CAPRIN1: variants seen among roughly 807,000 people sequenced by gnomAD.
CAPRIN1 encodes the protein caprin-1.
A neutral mutation model predicts 100.9 loss-of-function variants in CAPRIN1; 29 were observed. The observed-to-expected ratio is 0.29, with a 90% CI of 0.21 to 0.39. The LOEUF (loss-of-function observed/expected upper bound fraction) is 0.39, where lower values mean the gene tolerates loss of function less well. CAPRIN1 is among the 10% of genes least tolerant of loss of function. CAPRIN1 has a pLI of 1.00. For synonymous variants in CAPRIN1, 338 were observed against 307.5 expected (o/e 1.10, Z -1.04); for missense variants, 795 against 876.7 (o/e 0.91, Z 1.18).
At chr11:34,087,988 A>C (rs575867328) in intron 11 of CAPRIN1, among the ~76,000 whole-genome samples, 2 of 152,234 alleles carry the variant, frequency 1.3e-5, no homozygotes, top group African/African-American at 4.8e-5. Flanking sequence ...AGGCTGTTAA[A>C]AAGTATATAT....
chr11:34,083,783 CTT>C (rs1213058952), intron 9 of CAPRIN1, among the ~76,000 whole-genome samples: 1 of 152,148 alleles, frequency 6.6e-6, no homozygotes, highest in East Asian at 1.9e-4. Flanking sequence ...AGACCATTCT[CTT>C]GGCCGGGCAC....
chr11:34,069,337 A>G (rs1445064944), intron 2 of CAPRIN1, among the ~76,000 whole-genome samples: 1 of 151,676 alleles, frequency 6.6e-6, no homozygotes, highest in Non-Finnish European at 1.5e-5. Context: ...TTTGGTAGAG[A>G]CGGGGTTTCA....
chr11:34,089,436 G>T lies in CAPRIN1; in HGVS notation c.1273G>T (p.Val425Leu). ...SRLAQPNQVP[V>L]QPEATQVPLV... Reference sequence around the variant, plus strand: ...ACTTGCTCAGCCTAATCAAGTTCCTGTACAACCAGAAGCGACACAGGTAAG... The same window carrying T: ...ACTTGCTCAGCCTAATCAAGTTCCTTTACAACCAGAAGCGACACAGGTAAG... The change falls in exon 12 of 19, where the codon GTA becomes TTA. Residue 425 changes from valine to leucine, a missense_variant. Physicochemically the swap from Val to Leu is conservative, Grantham distance 32. Around this residue, in one of 3 missense-constraint regions of CAPRIN1, gnomAD observed 648 missense variants for 697.9 expected, o/e 0.93. Transcript: ENST00000341394. 1 of 1,605,690 alleles carries T rather than the reference G, an allele frequency of 6.2e-7. No homozygotes were observed. The highest frequency in any genetic ancestry group is 1.3e-5 in the African/African-American group (1 of 74,562).
chr11:34,082,597 A>G (rs1565092764), intron 7 of CAPRIN1, among the ~76,000 whole-genome samples: 1 of 152,190 alleles, frequency 6.6e-6, no homozygotes, highest in Non-Finnish European at 1.5e-5. Flanking sequence ...CCTCATTGTC[A>G]GCATCCCCCC....
intron 2 of CAPRIN1, among the ~76,000 whole-genome samples, chr11:34,069,759 A>G (rs899371669): frequency 6.6e-6 from 1 of 152,242 alleles, no homozygotes; most frequent in African/African-American, 2.4e-5. Flanking sequence ...ATTGGGTACT[A>G]TTAAAAGCCT....
At chr11:34,089,123 T>C (rs544014302) in intron 11 of CAPRIN1, among the ~76,000 whole-genome samples, 2 of 150,746 alleles carry the variant, frequency 1.3e-5, no homozygotes, top group Non-Finnish European at 1.5e-5. Context: ...ACAAATATTA[T>C]CCGAGTGTGG....
intron 11 of CAPRIN1, among the ~76,000 whole-genome samples, chr11:34,088,191 G>A (rs749519252): frequency 2.6e-5 from 4 of 152,100 alleles, no homozygotes; most frequent in Non-Finnish European, 5.9e-5. Flanking sequence ...TTTAAGTAGA[G>A]ATGGGGTTTC....
chr11:34,053,062 T>A, intron 2 of CAPRIN1: 5 of 1,029,152 alleles, frequency 4.9e-6, no homozygotes, highest in Non-Finnish European at 5.8e-6. Flanking sequence ...ACCGACCGCC[T>A]CGTGGAGTTG....
At chr11:34,098,162 T>TAGA in intron 18 of CAPRIN1, 1 of 1,002,174 alleles carries the variant, frequency 1.0e-6, no homozygotes, top group African/African-American at 1.7e-5. Flanking sequence ...GAAACATGCC[T>TAGA]ATTATATTTT....
At chr11:34,052,896 G>T in intron 2 of CAPRIN1, 1 of 1,344,916 alleles carries the variant, frequency 7.4e-7, no homozygotes, top group Non-Finnish European at 9.5e-7. Flanking sequence ...TTCCGCTGTG[G>T]GTCCGGCTTT....
chr11:34,097,774 G>A lies in CAPRIN1; in HGVS notation c.2065+13G>A. 1 of 1,613,966 alleles carries A rather than the reference G, an allele frequency of 6.2e-7. No individual in the cohort carries two copies. The highest frequency in any genetic ancestry group is 1.1e-5 in the South Asian group (1 of 91,076). The stretch of plus-strand genomic sequence containing the variant: ...GGAGCCCCACGAGGTAATATTTTGT[G>A]GTGGTGATCCTAGCTCCTAAGTGGA... On this transcript the variant is annotated intron_variant, in intron 18 of 18. Transcript: ENST00000341394.
At chr11:34,069,025 T>TACTA (rs1444485614) in intron 2 of CAPRIN1, among the ~76,000 whole-genome samples, 1 of 152,188 alleles carries the variant, frequency 6.6e-6, no homozygotes, top group Non-Finnish European at 1.5e-5. Context: ...ATGAACTGTG[T>TACTA]ACTAGCACTG....
rs1011657923 is a variant in CAPRIN1, at chr11:34,053,037, G to A, written c.216+401G>A. The A allele has an allele frequency of 4.8e-6, 5 of 1,042,818 alleles. No homozygotes were observed. In the African/African-American group the frequency reaches 6.9e-5, roughly 14 times the overall value. 64.6% of individuals were successfully genotyped at this position (1,042,818 alleles called of 1,614,324 possible). The stretch of plus-strand genomic sequence containing the variant: ...CCAAAATGAAGAGGTCCCTGCGCGG[G>A]GGGCTCCGGGTTCAACCGACCGCCT... On this transcript the variant is annotated intron_variant, in intron 2 of 18. Transcript: ENST00000341394.
At chr11:34,085,221 T>C (rs969429601) in intron 9 of CAPRIN1, among the ~76,000 whole-genome samples, 19 of 152,146 alleles carry the variant, frequency 1.2e-4, no homozygotes, top group Non-Finnish European at 1.5e-4. Flanking sequence ...GAGGAAATTA[T>C]TAGAGCTGGG....
At chr11:34,063,832 C>T (rs1253013279) in intron 2 of CAPRIN1, among the ~76,000 whole-genome samples, 1 of 152,042 alleles carries the variant, frequency 6.6e-6, no homozygotes, top group African/African-American at 2.4e-5. Flanking sequence ...TGGAGTTTCG[C>T]CCTTGTTGCC....
chr11:34,059,770 A>T (rs979878718), intron 2 of CAPRIN1, among the ~76,000 whole-genome samples: 9 of 152,128 alleles, frequency 5.9e-5, no homozygotes. Context: ...TGCTTTTTGC[A>T]CAGAACTATT....
chr11:34,097,668 C>T (rs1349365453), intron 17 of CAPRIN1, 30 bp from the exon 18 acceptor site: 4 of 1,613,232 alleles, frequency 2.5e-6, no homozygotes, highest in East Asian at 2.2e-5. Flanking sequence ...TAAAAAGTAC[C>T]TTTTCAATAC....
At chr11:34,098,351 T>TA (rs1222628052) in intron 18 of CAPRIN1, 27 of 984,018 alleles carry the variant, frequency 2.7e-5, no homozygotes, top group Non-Finnish European at 2.9e-5. Flanking sequence ...GAGCTATACT[T>TA]AAAAAAAATT....
intron 14 of CAPRIN1, chr11:34,091,614 A>G (rs772658407): frequency 2.1e-4 from 42 of 201,814 alleles, no homozygotes; most frequent in Non-Finnish European, 3.8e-4. Flanking sequence ...AAGATTTCTC[A>G]TATATGTAAA....
Sources: gnomAD v4.1 joint callset for allele counts (sites outside exome capture counted in the v4.1 genomes callset) on GRCh38, gnomAD v4.1.1 for gene constraint, gnomAD v4.1.1 regional missense constraint, MANE v1.5 for transcripts, NCBI Gene and HGNC (gene_info 2026-07-23, HGNC 2026-07-21) for gene names.